RHOH: variants seen among roughly 807,000 people sequenced by gnomAD.
RHOH encodes the protein ras homolog family member H, also known as rho-related GTP-binding protein RhoH.
Under a neutral mutation model 13.8 loss-of-function variants are expected in RHOH, and 6 were observed. The ratio of observed to expected loss-of-function variants is 0.44; its 90% CI spans 0.24 to 0.86. The LOEUF (loss-of-function observed/expected upper bound fraction) is 0.86, where lower values mean the gene tolerates loss of function less well. Ranked by LOEUF, RHOH falls within the 40% of genes least tolerant of loss-of-function variation. The probability of loss-of-function intolerance (pLI) is 0.24; values close to 1 mark genes in which losing one functional copy is unlikely to be tolerated. For synonymous variants in RHOH, 117 were observed against 103.0 expected, an observed-to-expected ratio of 1.14 and a Z score of -0.82; for missense variants, 147 against 244.5, an observed-to-expected ratio of 0.60 and a Z score of 2.66.
At chr4:40,223,449 G>T (rs1468092971) in intron 1 of RHOH, among the ~76,000 whole-genome samples, 1 of 150,348 alleles carries the variant, frequency 6.7e-6, no homozygotes, top group African/African-American at 2.4e-5. Context: ...CTTGCTGAAG[G>T]CTCAGATGAT....
At chr4:40,197,781 A>G (rs1476484776) in intron 1 of RHOH, among the ~76,000 whole-genome samples, 22 of 152,290 alleles carry the variant, frequency 1.4e-4, no homozygotes, top group Admixed American at 1.4e-3. Flanking sequence ...GTTAATGACC[A>G]TTTCCCAAAA....
Position 40,218,135 on chromosome 4 carries a change from T to G in RHOH, c.-331+20835T>G, listed in dbSNP as rs1161652360. 1 of 152,226 alleles carries G rather than the reference T, an allele frequency of 6.6e-6. No homozygotes were observed. Among genetic ancestry groups the G allele is most frequent in the Non-Finnish European group, 1.5e-5 (1 of 68,048 alleles). 9.4% of individuals were successfully genotyped at this position (152,226 alleles called of 1,614,324 possible). On this transcript the variant is annotated intron_variant, in intron 1 of 2. Transcript: ENST00000381799. This position sits in a 1 kb window ranked among gnomAD's most constrained non-coding sequence, Gnocchi z 4.1. ...TGATAATGACCCACGGCTGCCTTTT[T>G]GTCCGGCAAAGCACGAGGATGCTTT...
chr4:40,222,506 A>G (rs919563923), intron 1 of RHOH, among the ~76,000 whole-genome samples: 26 of 152,232 alleles, frequency 1.7e-4, no homozygotes, highest in African/African-American at 6.3e-4. Context: ...TGGAACAACT[A>G]AAGCCTGAAT....
At position 40,244,162 on chromosome 4, in the gene RHOH, C is replaced by G; in HGVS notation, c.*200C>G. 2.2e-6 allele frequency: 1 copy of G among 456,830 alleles called. No individual in the cohort carries two copies. Among genetic ancestry groups the G allele is most frequent in the Non-Finnish European group, 4.0e-6 (1 of 251,700 alleles). The allele number at this position is 456,830 out of a possible 1,614,324, so 28.3% of individuals were successfully genotyped here. On this transcript the variant is annotated 3_prime_UTR_variant, in exon 3 of 3. Coordinates refer to ENST00000381799, the MANE Select transcript of RHOH (RefSeq NM_004310.5). ...TCTACAAGTGAACTCCTTGCCCAGG[C>G]CAGTTAGAAAATCCCTTGGGGAACT...
At chr4:40,204,636 C>T (rs1219462645) in intron 1 of RHOH, among the ~76,000 whole-genome samples, 1 of 152,132 alleles carries the variant, frequency 6.6e-6, no homozygotes, top group Non-Finnish European at 1.5e-5. Flanking sequence ...AGGAGCTCTG[C>T]CCTCAGCAGA....
rs144753138 is a variant in RHOH, at chr4:40,220,274, C to T, written c.-330-22440C>T. ...CCAAGTTCAAATGTTCCTCCTCTCC[C>T]CCTCCCCACCCCACCACCCTGGAAG... On this transcript the variant is annotated intron_variant, in intron 1 of 2. Coordinates refer to ENST00000381799, the MANE Select transcript of RHOH (RefSeq NM_004310.5). Among the ~76,000 whole-genome samples the T allele has an allele frequency of 5.4e-3, 824 of 152,200 alleles. 11 individuals carry two copies. The highest frequency in any genetic ancestry group is 0.019 in the African/African-American group (768 of 41,498).
At chr4:40,226,835 C>A (rs1195136104) in intron 1 of RHOH, among the ~76,000 whole-genome samples, 1 of 152,104 alleles carries the variant, frequency 6.6e-6, no homozygotes, top group African/African-American at 2.4e-5. Context: ...AGAAAGGGAA[C>A]AGGTGTTTAA....
intron 1 of RHOH, among the ~76,000 whole-genome samples, chr4:40,214,646 A>G (rs890831588): frequency 6.6e-6 from 1 of 152,180 alleles, no homozygotes; most frequent in Non-Finnish European, 1.5e-5. Flanking sequence ...GAAAGTTGGG[A>G]GTTAGTCATC....
At chr4:40,235,590 C>CAAAAAAAAAAAAAAAAAAAAAAAAAAAA (rs34336418) in intron 1 of RHOH, among the ~76,000 whole-genome samples, 1 of 74,798 alleles carries the variant, frequency 1.3e-5, no homozygotes, top group Non-Finnish European at 2.3e-5. Context: ...AACTTCATCT[C>CAAAAAAAAAAAAAAAAAAAAAAAAAAAA]AAAAAAAAAA....
chr4:40,196,727 A>G (rs1387071901), upstream of RHOH, among the ~76,000 whole-genome samples: 1 of 121,192 alleles, frequency 8.3e-6, no homozygotes, highest in South Asian at 2.5e-4. Flanking sequence ...TTTTACTTCC[A>G]TGAGGAATCA....
chr4:40,206,861 C>A (rs1205302592), intron 1 of RHOH, among the ~76,000 whole-genome samples: 1 of 151,986 alleles, frequency 6.6e-6, no homozygotes, highest in Non-Finnish European at 1.5e-5. Flanking sequence ...ATGTCATATG[C>A]CTTTTAGGTT....
rs369403216 is a variant in RHOH, at chr4:40,241,294, G to T, written c.-330-1420G>T. Among the ~76,000 whole-genome samples the T allele has an allele frequency of 2.7e-4, 41 of 152,346 alleles. No individual in the cohort carries two copies. The South Asian group carries it at 8.5e-3, about 32-fold the overall frequency. On this transcript the variant is annotated intron_variant, in intron 1 of 2. Transcript: ENST00000381799. ...TGGACATTCAGGATTTGGCATTTCA[G>T]ATAGTAGTGAAATGGATAACTCGAT...
intron 1 of RHOH, among the ~76,000 whole-genome samples, chr4:40,228,700 G>A (rs990922918): frequency 2.0e-5 from 3 of 152,114 alleles, no homozygotes; most frequent in African/African-American, 7.2e-5. Flanking sequence ...CAAAGGCTAC[G>A]TTTACGTCTA....
intron 1 of RHOH, among the ~76,000 whole-genome samples, chr4:40,211,011 T>C (rs1725203853): frequency 1.3e-5 from 2 of 152,212 alleles, no homozygotes; most frequent in Non-Finnish European, 1.5e-5. Flanking sequence ...GGCACAGGTA[T>C]GGAGTGGCAA....
chr4:40,199,067 C>A (rs986778837), intron 1 of RHOH, among the ~76,000 whole-genome samples: 19 of 151,998 alleles, frequency 1.3e-4, no homozygotes, highest in Non-Finnish European at 2.4e-4. Context: ...GCTGTGGGAA[C>A]CTCAGACAAG....
Position 40,199,119 on chromosome 4 carries a change from C to G in RHOH, c.-331+1819C>G, listed in dbSNP as rs557988208. The stretch of plus-strand genomic sequence containing the variant: ...ATGCTCAGATTAAAAAAAAAATTCA[C>G]AAAATATCTCTAATAACAGTAATAA... On this transcript the variant is annotated intron_variant, in intron 1 of 2. Transcript: ENST00000381799. 4.6e-5 allele frequency among the ~76,000 whole-genome samples: 7 copies of G among 151,982 alleles called. No homozygotes were observed. The South Asian group carries it at 1.3e-3, about 27-fold the overall frequency.
chr4:40,201,959 T>G (rs997498903), intron 1 of RHOH, among the ~76,000 whole-genome samples: 1 of 150,112 alleles, frequency 6.7e-6, no homozygotes, highest in African/African-American at 2.5e-5. Context: ...TTTTTTTTTT[T>G]TTTTTTTTTT....
chr4:40,222,203 A>G (rs1379049424), intron 1 of RHOH, among the ~76,000 whole-genome samples: 1 of 152,254 alleles, frequency 6.6e-6, no homozygotes, highest in African/African-American at 2.4e-5. Flanking sequence ...AATAAACTAC[A>G]GCAAGTTATC....
chr4:40,215,068 G>A (rs1268523128), intron 1 of RHOH, among the ~76,000 whole-genome samples: 1 of 152,150 alleles, frequency 6.6e-6, no homozygotes, highest in Non-Finnish European at 1.5e-5. Context: ...AGGGTAAGAG[G>A]TGAAGCCAAG....
Sources: gnomAD v4.1 joint callset for allele counts (sites outside exome capture counted in the v4.1 genomes callset) on GRCh38, gnomAD v4.1.1 for gene constraint, Gnocchi (gnomAD v3.1) non-coding constraint, MANE v1.5 for transcripts, NCBI Gene and HGNC (gene_info 2026-07-23, HGNC 2026-07-21) for gene names.